Variants in PRORP observed in about 807,000 individuals in gnomAD.
The protein encoded by PRORP is protein only RNase P catalytic subunit.
PRORP carries 51 observed loss-of-function variants against 59.4 expected under a neutral mutation model. That is an observed-to-expected ratio of 0.86 (90% CI 0.69 to 1.08). The LOEUF is 1.08. Among genes scored for constraint, PRORP ranks in the 50% least tolerant of loss-of-function variants. The probability of loss-of-function intolerance (pLI) is 0.00; values close to 1 mark genes in which losing one functional copy is unlikely to be tolerated. For synonymous variants in PRORP, 231 were observed against 245.6 expected, an observed-to-expected ratio of 0.94 and a Z score of 0.55; for missense variants, 646 against 690.3, an observed-to-expected ratio of 0.94 and a Z score of 0.72.
intron 5 of PRORP, among the ~76,000 whole-genome samples, chr14:35,266,362 G>T (rs1320332727): frequency 6.6e-6 from 1 of 151,646 alleles, no homozygotes; most frequent in Non-Finnish European, 1.5e-5. Flanking sequence ...CACGTCTGTG[G>T]TCCCAACTAC....
chr14:35,258,383 G>T (rs7157492), intron 5 of PRORP, among the ~76,000 whole-genome samples: 1 of 151,944 alleles, frequency 6.6e-6, no homozygotes, highest in Non-Finnish European at 1.5e-5. Flanking sequence ...TAACCCCGAT[G>T]GTAATCAGAA....
rs181195811 is a variant in PRORP, at chr14:35,181,811, A to G, written c.1275+1034A>G. Among the ~76,000 whole-genome samples, 774 of 151,238 alleles carry G rather than the reference A, an allele frequency of 5.1e-3. 4 individuals are homozygous for G. Among genetic ancestry groups the G allele is most frequent in the African/African-American group, 0.017 (717 of 41,276 alleles). ...AAAAAAAAAAAAAAAAGTAATGATAAAAAGAGTAGTAAAATACATATATAT... is the reference window on the plus strand; with the variant it reads ...AAAAAAAAAAAAAAAAGTAATGATAGAAAGAGTAGTAAAATACATATATAT... On this transcript the variant is annotated intron_variant, in intron 5 of 7. Coordinates refer to ENST00000534898, the MANE Select transcript of PRORP (RefSeq NM_014672.4).
chr14:35,141,377 C>T (rs1475010218), intron 4 of PRORP, among the ~76,000 whole-genome samples: 1 of 144,700 alleles, frequency 6.9e-6, no homozygotes, highest in Non-Finnish European at 1.5e-5. Context: ...CCTCCTGCCT[C>T]ATCCTCCTGG....
At chr14:35,199,669 A>G (rs2049099095) in intron 5 of PRORP, among the ~76,000 whole-genome samples, 1 of 152,248 alleles carries the variant, frequency 6.6e-6, no homozygotes, top group Non-Finnish European at 1.5e-5. Context: ...CCTAGCCTCC[A>G]GAACTCTGAA....
At chr14:35,162,129 A>G (rs1382407251) in intron 4 of PRORP, among the ~76,000 whole-genome samples, 4 of 152,092 alleles carry the variant, frequency 2.6e-5, no homozygotes, top group Non-Finnish European at 1.5e-5. Flanking sequence ...GTCTCCTATT[A>G]ACGAGTATTT....
chr14:35,189,768 TAGAAA>T (rs1427476083), intron 5 of PRORP, among the ~76,000 whole-genome samples: 1 of 152,188 alleles, frequency 6.6e-6, no homozygotes, highest in Non-Finnish European at 1.5e-5. Flanking sequence ...ATTGTCAGAA[TAGAAA>T]ATAGTATTTA....
intron 6 of PRORP, among the ~76,000 whole-genome samples, chr14:35,269,889 AAAG>A: frequency 6.6e-6 from 1 of 152,256 alleles, no homozygotes; most frequent in African/African-American, 2.4e-5. Context: ...GGCTCTTACC[AAAG>A]AAGATGTTTT....
At chr14:35,131,527 T>A (rs2047237249) in intron 4 of PRORP, among the ~76,000 whole-genome samples, 1 of 96,350 alleles carries the variant, frequency 1.0e-5, no homozygotes, top group African/African-American at 3.7e-5. Flanking sequence ...TCTAGTTGCT[T>A]TTTGGTTTTT....
At chr14:35,233,659 GA>G (rs1485634983) in intron 5 of PRORP, among the ~76,000 whole-genome samples, 1 of 137,068 alleles carries the variant, frequency 7.3e-6, no homozygotes, top group Non-Finnish European at 1.6e-5. Context: ...CTACAGTATT[GA>G]AGGATTTTTT....
intron 4 of PRORP, among the ~76,000 whole-genome samples, chr14:35,160,714 TA>T (rs2048035729): frequency 8.0e-6 from 1 of 125,094 alleles, no homozygotes; most frequent in Non-Finnish European, 1.8e-5. Flanking sequence ...AAAGATTCTG[TA>T]TTTTTTTGTT....
intron 5 of PRORP, among the ~76,000 whole-genome samples, chr14:35,251,018 C>T (rs2050598798): frequency 6.6e-6 from 1 of 152,138 alleles, no homozygotes; most frequent in South Asian, 2.1e-4. Context: ...TCCCTTACCC[C>T]TTCCCACTCT....
intron 5 of PRORP, among the ~76,000 whole-genome samples, chr14:35,216,310 T>TTTG (rs1001643454): frequency 7.9e-5 from 12 of 150,996 alleles, no homozygotes; most frequent in African/African-American, 2.7e-4. Context: ...CTGGGTTTTT[T>TTTG]TTGTTGTTGT....
chr14:35,191,194 C>T (rs1409102378), intron 5 of PRORP, among the ~76,000 whole-genome samples: 1 of 152,116 alleles, frequency 6.6e-6, no homozygotes, highest in Non-Finnish European at 1.5e-5. Context: ...GGGGCAGTTT[C>T]CCTCATACTG....
chr14:35,228,122 G>A (rs539191888), intron 5 of PRORP, among the ~76,000 whole-genome samples: 7 of 152,282 alleles, frequency 4.6e-5, no homozygotes, highest in African/African-American at 1.4e-4. Flanking sequence ...CAGCCTGGGC[G>A]ATAGAGCAAG....
At chr14:35,222,931 A>G (rs1234428519) in intron 5 of PRORP, among the ~76,000 whole-genome samples, 1 of 151,978 alleles carries the variant, frequency 6.6e-6, no homozygotes, top group Middle Eastern at 3.2e-3. Context: ...TTGAAGCCTT[A>G]CCTTCTGTCT....
chr14:35,254,722 C>T (rs974512740), intron 5 of PRORP, among the ~76,000 whole-genome samples: 2 of 152,042 alleles, frequency 1.3e-5, no homozygotes, highest in African/African-American at 4.8e-5. Flanking sequence ...TTTGATTTTC[C>T]CCCATTGCTT....
intron 2 of PRORP, among the ~76,000 whole-genome samples, chr14:35,125,675 A>G (rs189687579): frequency 1.4e-3 from 207 of 152,300 alleles, no homozygotes; most frequent in African/African-American, 4.6e-3. Context: ...GGAGGAGCCC[A>G]TTTGTGAAAA....
chr14:35,171,600 T>A (rs2048313521), intron 4 of PRORP, among the ~76,000 whole-genome samples: 1 of 152,228 alleles, frequency 6.6e-6, no homozygotes. Flanking sequence ...TCATCAGTTT[T>A]ACTATGATGT....
chr14:35,182,994 A>T (rs1441033356), intron 5 of PRORP, among the ~76,000 whole-genome samples: 2 of 152,224 alleles, frequency 1.3e-5, no homozygotes, highest in African/African-American at 4.8e-5. Context: ...TAAGCCCGAT[A>T]CATATTTAAA....
Sources: gnomAD v4.1 joint callset for allele counts (sites outside exome capture counted in the v4.1 genomes callset) on GRCh38, gnomAD v4.1.1 for gene constraint, MANE v1.5 for transcripts, NCBI Gene and HGNC (gene_info 2026-07-23, HGNC 2026-07-21) for gene names.